MYH14: variants seen among roughly 807,000 people sequenced by gnomAD.
The protein encoded by MYH14 is myosin-14.
In MYH14, 123 loss-of-function variants were observed where a neutral mutation model predicts 255.5. The observed-to-expected ratio is 0.48, with a 90% confidence interval of 0.42 to 0.56. The LOEUF (loss-of-function observed/expected upper bound fraction) is 0.56, where lower values mean the gene tolerates loss of function less well. Among genes scored for constraint, MYH14 ranks in the 20% least tolerant of loss-of-function variants. The pLI is 0.00. For missense variants in MYH14, 2,423 were observed against 2,802.3 expected (o/e 0.86, Z 3.06); for synonymous variants, 1,095 against 1,161.2 (o/e 0.94, Z 1.16).
chr19:50,267,083 A>T, intron 23 of MYH14, 75 bp downstream of exon 23: 1 of 1,351,372 alleles, frequency 7.4e-7, no homozygotes, highest in Non-Finnish European at 1.0e-6. Context: ...GCCAGGTGTG[A>T]GGGGCGGGGC....
At chr19:50,304,986 G>A (rs1262074959) in intron 40 of MYH14, among the ~76,000 whole-genome samples, 1 of 152,136 alleles carries the variant, frequency 6.6e-6, no homozygotes, top group Non-Finnish European at 1.5e-5. Context: ...GGACCCAGGA[G>A]AGGGATCAGG....
chr19:50,299,513 G>A (rs2036399850), intron 39 of MYH14, among the ~76,000 whole-genome samples: 1 of 136,310 alleles, frequency 7.3e-6, no homozygotes, highest in African/African-American at 2.8e-5. Context: ...AGAGGTTGCA[G>A]TGAGCTGAGA....
intron 34 of MYH14, among the ~76,000 whole-genome samples, chr19:50,287,158 T>C (rs1212364692): frequency 3.9e-5 from 6 of 152,028 alleles, no homozygotes; most frequent in African/African-American, 1.5e-4. Context: ...AGCAAACATT[T>C]GCATCCATAT....
At position 50,268,146 on chromosome 19, in the gene MYH14, C is replaced by G; in HGVS notation, c.2827-15C>G. ...GCACTGCCTGCTGACCACTAACCTC[C>G]CACACACTCCCCAGCTGGAAGAGGA... On this transcript the variant is annotated splice_polypyrimidine_tract_variant and intron_variant, in intron 23 of 42. Coordinates refer to ENST00000642316, the MANE Select transcript of MYH14 (RefSeq NM_001145809.2). 6.5e-7 allele frequency: 1 copy of G among 1,539,124 alleles called. No homozygotes were observed. The highest frequency in any genetic ancestry group is 8.7e-7 in the Non-Finnish European group (1 of 1,144,696).
At chr19:50,306,929 G>T in intron 40 of MYH14, 120 bp from the exon 41 acceptor site, 1 of 742,628 alleles carries the variant, frequency 1.3e-6, no homozygotes, top group Non-Finnish European at 2.3e-6. Flanking sequence ...ACCACTTAGG[G>T]GTTAGGAAAG....
intron 2 of MYH14, among the ~76,000 whole-genome samples, chr19:50,215,740 G>A (rs1170171769): frequency 6.6e-6 from 1 of 152,164 alleles, no homozygotes; most frequent in East Asian, 1.9e-4. Context: ...GATTGTTTGA[G>A]CCCAGGAGGT....
chr19:50,259,614 C>T (rs552322762), intron 19 of MYH14, among the ~76,000 whole-genome samples: 73 of 152,330 alleles, frequency 4.8e-4, no homozygotes, highest in African/African-American at 1.6e-3. Context: ...CGCGGTGGCT[C>T]ACGCCTGTAA....
chr19:50,267,088 C>T (rs2035114256), intron 23 of MYH14, 80 bp downstream of exon 23: 1 of 1,333,284 alleles, frequency 7.5e-7, no homozygotes, highest in Non-Finnish European at 1.0e-6. Flanking sequence ...GTGTGAGGGG[C>T]GGGGCTTCCG....
intron 10 of MYH14, among the ~76,000 whole-genome samples, chr19:50,237,667 T>C (rs936025): frequency 0.25 from 38,252 of 152,138 alleles, 5,431 homozygotes; most frequent in African/African-American, 0.38. Context: ...ACCTCGTCGC[T>C]GTCCACAGGG....
intron 10 of MYH14, 126 bp downstream of exon 10, chr19:50,232,196 G>T (rs904669204): frequency 4.2e-6 from 5 of 1,201,466 alleles, no homozygotes; most frequent in African/African-American, 3.0e-5. Flanking sequence ...AGGCACCGGG[G>T]CCAGAGCAGG....
intron 8 of MYH14, among the ~76,000 whole-genome samples, chr19:50,228,960 C>T (rs2033244984): frequency 6.6e-6 from 1 of 152,214 alleles, no homozygotes; most frequent in Non-Finnish European, 1.5e-5. Context: ...TCAGTGCCAT[C>T]GTGACCAGCT....
chr19:50,254,109 C>CG (rs926554996), intron 16 of MYH14, among the ~76,000 whole-genome samples: 3 of 150,640 alleles, frequency 2.0e-5, no homozygotes, highest in African/African-American at 7.3e-5. Context: ...CCCAGCTACT[C>CG]GGGGGGCTGA....
chr19:50,227,361 T>C (rs1354431659), intron 8 of MYH14, among the ~76,000 whole-genome samples: 1 of 152,094 alleles, frequency 6.6e-6, no homozygotes, highest in Non-Finnish European at 1.5e-5. Flanking sequence ...GGACACCAGG[T>C]GCGACAACAC....
intron 30 of MYH14, among the ~76,000 whole-genome samples, chr19:50,279,297 G>A (rs917805449): frequency 6.6e-6 from 1 of 152,158 alleles, no homozygotes; most frequent in Non-Finnish European, 1.5e-5. Context: ...AGATTCATCT[G>A]TGTTGCAGCT....
chr19:50,240,836 C>T (rs1451411382), intron 10 of MYH14, among the ~76,000 whole-genome samples: 2 of 151,840 alleles, frequency 1.3e-5, no homozygotes, highest in Non-Finnish European at 2.9e-5. Flanking sequence ...CCCAAAAAAA[C>T]AACCACAGAC....
intron 39 of MYH14, among the ~76,000 whole-genome samples, chr19:50,300,475 G>A (rs777071858): frequency 5.9e-5 from 9 of 152,128 alleles, no homozygotes; most frequent in Non-Finnish European, 5.9e-5. Context: ...GAGGCCGGGC[G>A]TGGTGGCTCA....
rs7260440 is a variant in MYH14 at position 50,277,350 on chromosome 19, T to C, written c.3825+449T>C. On this transcript the variant is annotated intron_variant, in intron 29 of 42. Transcript: ENST00000642316. ...AGGGAGTGGCCGGGCATGGTGGCTC[T>C]TGCCTGTAACTTTGGGAGGCTGAGG... 5.9e-5 allele frequency among the ~76,000 whole-genome samples: 9 copies of C among 152,078 alleles called. No homozygotes were observed. The East Asian group carries it at 1.7e-3, about 30-fold the overall frequency.
At chr19:50,246,474 C>T (rs1249300054) in intron 11 of MYH14, among the ~76,000 whole-genome samples, 1 of 151,976 alleles carries the variant, frequency 6.6e-6, no homozygotes, top group Non-Finnish European at 1.5e-5. Context: ...GACTGCAGAA[C>T]ATTCTTTCAA....
chr19:50,277,581 C>T (rs1601007023), intron 29 of MYH14, among the ~76,000 whole-genome samples: 1 of 151,948 alleles, frequency 6.6e-6, no homozygotes, highest in Admixed American at 6.6e-5. Flanking sequence ...CCACTCCAGC[C>T]TGGGTGACAG....
Sources: allele counts gnomAD v4.1 joint callset (sites outside exome capture counted in the v4.1 genomes callset), GRCh38; gene constraint gnomAD v4.1.1; transcripts MANE v1.5; gene names NCBI Gene and HGNC (gene_info 2026-07-23, HGNC 2026-07-21).